The following DLG2 variants were observed in gnomAD, a reference collection of about 807,000 sequenced individuals.
DLG2 encodes discs large MAGUK scaffold protein 2.
Under a neutral mutation model 132.5 loss-of-function variants are expected in DLG2, and 45 were observed. The ratio of observed to expected loss-of-function variants is 0.34; its 90% CI spans 0.27 to 0.44. The LOEUF is 0.44. Among genes scored for constraint, DLG2 ranks in the 20% least tolerant of loss-of-function variants. The pLI is 1.00. For synonymous variants in DLG2, 424 were observed against 419.6 expected, an observed-to-expected ratio of 1.01 and a Z score of -0.13; for missense variants, 1,045 against 1,196.9, an observed-to-expected ratio of 0.87 and a Z score of 1.87.
intron 11 of DLG2, among the ~76,000 whole-genome samples, chr11:83,996,421 C>T (rs2094027350): frequency 6.6e-6 from 1 of 152,126 alleles, no homozygotes; most frequent in East Asian, 1.9e-4. Context: ...GGACATTCCT[C>T]AGAAAACTAA....
chr11:85,519,048 C>A (rs118041478), intron 3 of DLG2, among the ~76,000 whole-genome samples: 4 of 152,240 alleles, frequency 2.6e-5, no homozygotes, highest in African/African-American at 7.2e-5. Flanking sequence ...GATACCGAGA[C>A]AGAAGTTTGC....
At chr11:84,422,326 C>A (rs2098953582) in intron 7 of DLG2, among the ~76,000 whole-genome samples, 2 of 152,138 alleles carry the variant, frequency 1.3e-5, no homozygotes, top group African/African-American at 4.8e-5. Flanking sequence ...AACTGAGCCT[C>A]AGAGATCTTA....
intron 6 of DLG2, among the ~76,000 whole-genome samples, chr11:84,869,999 C>A (rs956630185): frequency 6.6e-6 from 1 of 152,136 alleles, no homozygotes; most frequent in African/African-American, 2.4e-5. Flanking sequence ...GGACTCAATT[C>A]CACTGGCTTC....
Position 84,641,353 on chromosome 11 carries a change from C to T in DLG2, c.358-106622G>A, listed in dbSNP as rs558129411. Among the ~76,000 whole-genome samples, 12 of 152,246 alleles carry T rather than the reference C, an allele frequency of 7.9e-5. No individual in the cohort carries two copies. In the South Asian group the frequency reaches 1.5e-3, roughly 18 times the overall value. On this transcript the variant is annotated intron_variant, in intron 6 of 27. Coordinates refer to ENST00000376104, the MANE Select transcript of DLG2 (RefSeq NM_001142699.3). ...AGGAAATTGCCTAACCCATAGTAAG[C>T]GCTCAATAAATGTTAGCTATTATTA... is the stretch of plus-strand genomic sequence containing the variant.
At chr11:83,970,383 G>A (rs1247149665) in intron 12 of DLG2, among the ~76,000 whole-genome samples, 1 of 152,168 alleles carries the variant, frequency 6.6e-6, no homozygotes, top group Non-Finnish European at 1.5e-5. Flanking sequence ...GAAAGGTAGT[G>A]GTGAGAAATG....
At position 84,226,373 on chromosome 11, in the gene DLG2, G is replaced by A. The variant is rs75203785; in HGVS notation, c.573+24865C>T. ...TCTAACCACTCAGCTACCTTAAACA[G>A]GTACTCCCTAAAAGTAGCATGAAGT... On this transcript the variant is annotated intron_variant, in intron 8 of 27. Transcript: ENST00000376104. Among the ~76,000 whole-genome samples the A allele has an allele frequency of 5.4e-4, 82 of 152,270 alleles. 2 individuals are homozygous for A. The East Asian group carries it at 8.3e-3, about 15-fold the overall frequency.
chr11:84,632,915 A>G (rs1168032300), intron 6 of DLG2, among the ~76,000 whole-genome samples: 3 of 152,206 alleles, frequency 2.0e-5, no homozygotes, highest in Non-Finnish European at 4.4e-5. Context: ...CAATAAAAGG[A>G]CACATTAAAT....
intron 5 of DLG2, among the ~76,000 whole-genome samples, chr11:85,134,998 G>C (rs1368315754): frequency 6.6e-6 from 1 of 152,122 alleles, no homozygotes; most frequent in Non-Finnish European, 1.5e-5. Flanking sequence ...AATTTGAAAA[G>C]GTCAAAGAAA....
At position 85,027,841 on chromosome 11, in the gene DLG2, T is replaced by C. The variant is rs112083694; in HGVS notation, c.357+83820A>G. On this transcript the variant is annotated intron_variant, in intron 6 of 27. Transcript: ENST00000376104. ...GCTTGGGGAGCCCCTAGGTCTGGGATCCCTGAAGGGCTGCAGCTCTTCTCT... is the reference window on the plus strand; with the variant it reads ...GCTTGGGGAGCCCCTAGGTCTGGGACCCCTGAAGGGCTGCAGCTCTTCTCT... Among the ~76,000 whole-genome samples, 710 of 152,316 alleles carry C rather than the reference T, an allele frequency of 4.7e-3. 5 individuals carry two copies. The highest frequency in any genetic ancestry group is 0.016 in the African/African-American group (666 of 41,578).
chr11:83,869,792 AG>A (rs1282663401), intron 16 of DLG2, among the ~76,000 whole-genome samples: 17 of 152,278 alleles, frequency 1.1e-4, no homozygotes, highest in Non-Finnish European at 1.2e-4. Context: ...CTACTTGTAA[AG>A]GCTGGCCAAC....
At chr11:84,954,560 G>T (rs921955924) in intron 6 of DLG2, among the ~76,000 whole-genome samples, 1 of 152,168 alleles carries the variant, frequency 6.6e-6, no homozygotes, top group Non-Finnish European at 1.5e-5. Context: ...GCTTTATTGA[G>T]CAGAGGTTAT....
intron 3 of DLG2, among the ~76,000 whole-genome samples, chr11:85,509,336 C>T (rs2094005457): frequency 6.6e-6 from 1 of 151,986 alleles, no homozygotes; most frequent in Admixed American, 6.6e-5. Context: ...CTCATAAAAG[C>T]TATTTCTTAT....
At chr11:84,185,308 T>C (rs1408019247) in intron 8 of DLG2, among the ~76,000 whole-genome samples, 1 of 152,184 alleles carries the variant, frequency 6.6e-6, no homozygotes, top group Non-Finnish European at 1.5e-5. Flanking sequence ...GTTGGATTCC[T>C]AGGTATTTTA....
Position 85,267,929 on chromosome 11 carries a change from T to C in DLG2, c.186+17291A>G, listed in dbSNP as rs115406527. Among the ~76,000 whole-genome samples, 647 of 152,150 alleles carry C rather than the reference T, an allele frequency of 4.3e-3. 2 individuals are homozygous for C. The highest frequency in any genetic ancestry group is 0.014 in the African/African-American group (587 of 41,528). The stretch of plus-strand genomic sequence containing the variant: ...GTGTACGTATGTGTGTGTTCCTGCT[T>C]TCCTTTGCTATCAGGCTGTCAGATT... On this transcript the variant is annotated intron_variant, in intron 4 of 27. Coordinates refer to ENST00000376104, the MANE Select transcript of DLG2 (RefSeq NM_001142699.3).
intron 7 of DLG2, among the ~76,000 whole-genome samples, chr11:84,389,175 A>T (rs2098782949): frequency 6.6e-6 from 1 of 152,142 alleles, no homozygotes; most frequent in African/African-American, 2.4e-5. Context: ...AGCAAAGTCC[A>T]ATATAAAGGG....
chr11:85,039,284 T>G (rs1807242793), intron 6 of DLG2, among the ~76,000 whole-genome samples: 1 of 128,630 alleles, frequency 7.8e-6, no homozygotes, highest in African/African-American at 3.0e-5. Context: ...ATGTCATAAT[T>G]CCCCAAAGTT....
chr11:84,484,711 A>G (rs1339091854), intron 7 of DLG2, among the ~76,000 whole-genome samples: 1 of 152,162 alleles, frequency 6.6e-6, no homozygotes, highest in African/African-American at 2.4e-5. Context: ...TTGAACTTGC[A>G]AAATAAAAAG....
intron 3 of DLG2, among the ~76,000 whole-genome samples, chr11:85,400,046 A>C (rs1327386159): frequency 6.6e-6 from 1 of 151,760 alleles, no homozygotes; most frequent in Non-Finnish European, 1.5e-5. Flanking sequence ...ACAAAGGGCT[A>C]ATATCCAGAA....
intron 6 of DLG2, among the ~76,000 whole-genome samples, chr11:84,648,794 TCA>T (rs997385460): frequency 2.0e-5 from 3 of 150,878 alleles, no homozygotes; most frequent in African/African-American, 7.3e-5. Context: ...TATATATATC[TCA>T]CACACACAGA....
Sources: gnomAD v4.1 joint callset for allele counts (sites outside exome capture counted in the v4.1 genomes callset) on GRCh38, gnomAD v4.1.1 for gene constraint, MANE v1.5 for transcripts, NCBI Gene and HGNC (gene_info 2026-07-23, HGNC 2026-07-21) for gene names.